AKAP13: variants seen among roughly 807,000 people sequenced by gnomAD.
The protein encoded by AKAP13 is A-kinase anchoring protein 13.
AKAP13 carries 80 observed loss-of-function variants against 264.5 expected under a neutral mutation model. The ratio of observed to expected loss-of-function variants is 0.30; its 90% CI spans 0.25 to 0.36. AKAP13 has a LOEUF of 0.36. Ranked by LOEUF, AKAP13 falls within the 10% of genes least tolerant of loss-of-function variation. AKAP13 has a pLI of 1.00. For missense variants in AKAP13, 3,712 were observed against 3,435.2 expected (o/e 1.08, Z -2.01); for synonymous variants, 1,380 against 1,250.2 (o/e 1.10, Z -2.19).
At chr15:85,692,711 T>G (rs530128812) in intron 16 of AKAP13, among the ~76,000 whole-genome samples, 2 of 152,328 alleles carry the variant, frequency 1.3e-5, no homozygotes, top group African/African-American at 4.8e-5. Flanking sequence ...AATGTATATG[T>G]GGGGCATATT....
intron 8 of AKAP13, among the ~76,000 whole-genome samples, chr15:85,624,244 A>T (rs1247201292): frequency 1.4e-5 from 2 of 138,038 alleles, no homozygotes; most frequent in Admixed American, 1.5e-4. Context: ...AGAGTATTTT[A>T]TAGGCAGTAA....
intron 8 of AKAP13, among the ~76,000 whole-genome samples, chr15:85,587,196 C>T (rs1218231504): frequency 6.6e-6 from 1 of 152,206 alleles, no homozygotes; most frequent in Admixed American, 6.5e-5. Flanking sequence ...CATTAATCTA[C>T]TTTTGCTTTC....
At chr15:85,697,627 A>C (rs1597096479) in intron 17 of AKAP13, among the ~76,000 whole-genome samples, 1 of 152,318 alleles carries the variant, frequency 6.6e-6, no homozygotes, top group East Asian at 1.9e-4. Flanking sequence ...ATGGAAGAAA[A>C]AGACGTAACA....
chr15:85,390,528 C>CT (rs1433181819), intron 1 of AKAP13, among the ~76,000 whole-genome samples: 1 of 151,924 alleles, frequency 6.6e-6, no homozygotes, highest in Admixed American at 6.6e-5. Context: ...CAAATAGGCT[C>CT]TTAGGTATGG....
rs560924558 is a variant in AKAP13, at chr15:85,465,817, G to C, written c.-11-19893G>C. Among the ~76,000 whole-genome samples, 36 of 150,410 alleles carry C rather than the reference G, an allele frequency of 2.4e-4. No homozygotes were observed. In the East Asian group the frequency reaches 6.9e-3, roughly 29 times the overall value. Reference sequence around the variant, plus strand: ...GAATAGTGCCGCAATAAACATACGTGTGCATGTGTCTTTATAGCAGCATGA... The same window carrying C: ...GAATAGTGCCGCAATAAACATACGTCTGCATGTGTCTTTATAGCAGCATGA... On this transcript the variant is annotated intron_variant, in intron 1 of 36. Coordinates refer to ENST00000394518, the MANE Select transcript of AKAP13 (RefSeq NM_007200.5).
In AKAP13 at chr15:85,705,622, AT is replaced by A. The variant is rs545970626; in HGVS notation, c.5465-2389del. ...TGTGATGATTTTTTAAAAATTAAAA[AT>A]TTTTTTTAATTTTGAAAAATGTTAA... On this transcript the variant is annotated intron_variant, in intron 17 of 36. Transcript: ENST00000394518. 2.0e-4 allele frequency among the ~76,000 whole-genome samples: 28 copies of A among 137,026 alleles called. No individual in the cohort carries two copies. In the South Asian group the frequency reaches 3.7e-3, roughly 18 times the overall value. 89.9% of individuals were successfully genotyped at this position (137,026 alleles called of 152,430 possible).
chr15:85,600,271 G>A (rs1275831360), intron 8 of AKAP13, among the ~76,000 whole-genome samples: 1 of 150,238 alleles, frequency 6.7e-6, no homozygotes, highest in Non-Finnish European at 1.5e-5. Flanking sequence ...ACTTCTTGTG[G>A]TGTATCACCC....
At chr15:85,392,200 T>G (rs1166933811) in intron 1 of AKAP13, among the ~76,000 whole-genome samples, 1 of 151,384 alleles carries the variant, frequency 6.6e-6, no homozygotes, top group East Asian at 1.9e-4. Context: ...TTATTCCATT[T>G]TTTTTTTTAC....
intron 8 of AKAP13, among the ~76,000 whole-genome samples, chr15:85,637,254 C>A (rs143107661): frequency 0.017 from 2,609 of 152,248 alleles, 79 homozygotes; most frequent in African/African-American, 0.06. Context: ...GTAGCATTCA[C>A]CACTGAAGTC....
intron 1 of AKAP13, among the ~76,000 whole-genome samples, chr15:85,404,425 T>G (rs1450412522): frequency 2.6e-5 from 4 of 152,240 alleles, no homozygotes; most frequent in Non-Finnish European, 5.9e-5. Context: ...AGTATTTATT[T>G]ATCATCATGT....
At chr15:85,558,347 T>G (rs2078226155) in intron 5 of AKAP13, among the ~76,000 whole-genome samples, 1 of 152,236 alleles carries the variant, frequency 6.6e-6, no homozygotes, top group African/African-American at 2.4e-5. Flanking sequence ...TTAAATAGGA[T>G]TAATCAACTT....
intron 17 of AKAP13, among the ~76,000 whole-genome samples, chr15:85,703,867 T>TATAC (rs1555461463): frequency 1.3e-5 from 2 of 149,934 alleles, no homozygotes; most frequent in African/African-American, 2.4e-5. Flanking sequence ...TATATATATA[T>TATAC]ATATACACAC....
intron 2 of AKAP13, among the ~76,000 whole-genome samples, chr15:85,486,751 T>TTC (rs1217485442): frequency 6.8e-6 from 1 of 147,048 alleles, no homozygotes; most frequent in Non-Finnish European, 1.5e-5. Context: ...TTTTTTTTTT[T>TTC]TTTTTTGGAT....
intron 4 of AKAP13, among the ~76,000 whole-genome samples, chr15:85,538,815 C>T (rs1203918769): frequency 6.9e-6 from 1 of 144,530 alleles, no homozygotes; most frequent in Admixed American, 7.1e-5. Context: ...AATATTTTTT[C>T]GTAGCTACAT....
At chr15:85,461,599 A>G (rs1244986960) in intron 1 of AKAP13, among the ~76,000 whole-genome samples, 1 of 136,190 alleles carries the variant, frequency 7.3e-6, no homozygotes, top group Non-Finnish European at 1.8e-5. Context: ...CACTTTTTAA[A>G]TGGTGTGTTT....
chr15:85,392,243 C>T lies in AKAP13; in HGVS notation c.-12+11445C>T, dbSNP rs539605009. 4.3e-4 allele frequency among the ~76,000 whole-genome samples: 64 copies of T among 147,798 alleles called. No individual in the cohort carries two copies. In the East Asian group the frequency reaches 0.011, roughly 25 times the overall value. ...AGTCTATTGTCTTAAAAATGTGAGC[C>T]CTTAATAATTTTTTTTTTTTTTTTT... On this transcript the variant is annotated intron_variant, in intron 1 of 36. Transcript: ENST00000394518.
chr15:85,548,844 C>T (rs1301967302), intron 5 of AKAP13, among the ~76,000 whole-genome samples: 2 of 149,518 alleles, frequency 1.3e-5, no homozygotes, highest in African/African-American at 2.5e-5. Context: ...GGGTCTACTT[C>T]TGTGAAACTG....
At chr15:85,744,164 G>A in intron 36 of AKAP13, 1 of 322,476 alleles carries the variant, frequency 3.1e-6, no homozygotes, top group South Asian at 4.1e-5. Context: ...AGCATTTGGT[G>A]ATTTAACCCT....
chr15:85,735,817 T>G (rs2088432806), intron 32 of AKAP13, among the ~76,000 whole-genome samples, 187 bp downstream of exon 32: 1 of 152,244 alleles, frequency 6.6e-6, no homozygotes, highest in Admixed American at 6.5e-5. Context: ...ATTGGCTGTT[T>G]GGCCTCACTG....
Sources: allele counts gnomAD v4.1 joint callset (sites outside exome capture counted in the v4.1 genomes callset), GRCh38; gene constraint gnomAD v4.1.1; transcripts MANE v1.5; gene names NCBI Gene and HGNC (gene_info 2026-07-23, HGNC 2026-07-21).